LHX2: variants seen among roughly 807,000 people sequenced by gnomAD.
LHX2 encodes LIM homeobox 2.
Under a neutral mutation model 33.0 loss-of-function variants are expected in LHX2, and 6 were observed. That is an observed-to-expected ratio of 0.18 (90% CI 0.10 to 0.36). The LOEUF is 0.36. LHX2 is among the 10% of genes least tolerant of loss of function. LHX2 has a pLI of 1.00. For synonymous variants in LHX2, 292 were observed against 253.1 expected, an observed-to-expected ratio of 1.15 and a Z score of -1.46; for missense variants, 442 against 586.2, an observed-to-expected ratio of 0.75 and a Z score of 2.54.
intron 4 of LHX2, among the ~76,000 whole-genome samples, chr9:124,028,924 A>G: frequency 6.6e-6 from 1 of 152,172 alleles, no homozygotes; most frequent in East Asian, 1.9e-4. Context: ...CCTGGCCAAC[A>G]TGGTGAAACT....
rs1225060580 is a variant in LHX2 at position 124,032,156 on chromosome 9, C to G, written c.934-264C>G. Reference sequence around the variant, plus strand: ...ACCCAGGAGGCTGAGGCGGGAGGATCGCTTGATCCCAGGAGTTAGAAGCTG... The same window carrying G: ...ACCCAGGAGGCTGAGGCGGGAGGATGGCTTGATCCCAGGAGTTAGAAGCTG... On this transcript the variant is annotated intron_variant, in intron 4 of 4. Transcript: ENST00000373615. This position sits in a 1 kb window ranked among gnomAD's most constrained non-coding sequence, Gnocchi z 4.1. The G allele has an allele frequency of 2.5e-6, 1 of 404,910 alleles. No individual in the cohort carries two copies. Among genetic ancestry groups the G allele is most frequent in the East Asian group, 4.1e-5 (1 of 24,144 alleles). 25.1% of individuals were successfully genotyped at this position (404,910 alleles called of 1,614,324 possible). A position where few individuals can be genotyped will look rare whatever the true frequency, so the allele number is the denominator to read the frequency against.
At position 124,033,269 on chromosome 9, in the gene LHX2, T is replaced by C. The variant is rs1479441556; in HGVS notation, c.*562T>C. ...TGTTCGAATATCAGAATTTGTAAAA[T>C]CTAACCAGTAATAAAACCACTTATT... On this transcript the variant is annotated 3_prime_UTR_variant, in exon 5 of 5. Coordinates refer to ENST00000373615, the MANE Select transcript of LHX2 (RefSeq NM_004789.4). 6.6e-6 allele frequency: 1 copy of C among 152,132 alleles called. No individual in the cohort carries two copies. The highest frequency in any genetic ancestry group is 2.4e-5 in the African/African-American group (1 of 41,436). The allele number at this position is 152,132 out of a possible 1,614,324, so 9.4% of individuals were successfully genotyped here. A position where few individuals can be genotyped will look rare whatever the true frequency, so the allele number is the denominator to read the frequency against.
At chr9:124,022,976 A>C (rs892493685) in intron 4 of LHX2, among the ~76,000 whole-genome samples, 3 of 152,184 alleles carry the variant, frequency 2.0e-5, no homozygotes, top group African/African-American at 7.2e-5. Flanking sequence ...TTTGCTTTGG[A>C]GTCCCAGTGG....
At chr9:124,019,433 C>A (rs1395096979) in intron 3 of LHX2, among the ~76,000 whole-genome samples, 2 of 152,264 alleles carry the variant, frequency 1.3e-5, no homozygotes, top group South Asian at 4.1e-4. Context: ...GTAACAAATA[C>A]ATTTTTAGTG....
intron 3 of LHX2, among the ~76,000 whole-genome samples, chr9:124,019,981 C>T (rs1390347294): frequency 2.0e-5 from 3 of 152,198 alleles, no homozygotes; most frequent in Non-Finnish European, 2.9e-5. Flanking sequence ...GCATTGGCAG[C>T]GTGGCCCCCA....
Position 124,015,663 on chromosome 9 carries a change from T to C in LHX2, c.727+138T>C, listed in dbSNP as rs1295662803. On this transcript the variant is annotated intron_variant, in intron 3 of 4. Coordinates refer to ENST00000373615, the MANE Select transcript of LHX2 (RefSeq NM_004789.4). This position sits in a 1 kb window ranked among gnomAD's most constrained non-coding sequence, Gnocchi z 7.9. ...ACCGGACGGCCTCGCAGAAGGGACA[T>C]TAGCCCCCTGGGCTTCCAGACTGTG... 1.0e-6 allele frequency: 1 copy of C among 965,026 alleles called. No individual in the cohort carries two copies. Among genetic ancestry groups the C allele is most frequent in the Non-Finnish European group, 1.5e-6 (1 of 681,146 alleles). The allele number at this position is 965,026 out of a possible 1,614,324, so 59.8% of individuals were successfully genotyped here.
At chr9:124,022,829 C>A (rs1859315957) in intron 4 of LHX2, among the ~76,000 whole-genome samples, 1 of 152,222 alleles carries the variant, frequency 6.6e-6, no homozygotes, top group South Asian at 2.1e-4. Context: ...GAGGCGCCCC[C>A]TTGAGCAGCG....
Position 124,032,267 on chromosome 9 carries a change from C to T in LHX2, c.934-153C>T. The T allele has an allele frequency of 1.0e-6, 1 of 982,750 alleles. No homozygotes were observed. Among genetic ancestry groups the T allele is most frequent in the East Asian group, 2.7e-5 (1 of 36,806 alleles). 60.9% of individuals were successfully genotyped at this position (982,750 alleles called of 1,614,324 possible). On this transcript the variant is annotated intron_variant, in intron 4 of 4. Transcript: ENST00000373615. The surrounding 1 kb of genome is among the most constrained non-coding windows in gnomAD (Gnocchi z 4.1). ...CAAACAAAAACAAAAACAAAAAAACCAAAAAAGCAAAATATTGCCAACCTG... is the reference window on the plus strand; with the variant it reads ...CAAACAAAAACAAAAACAAAAAAACTAAAAAAGCAAAATATTGCCAACCTG...
At chr9:124,017,993 G>C (rs1293732134) in intron 3 of LHX2, among the ~76,000 whole-genome samples, 1 of 151,868 alleles carries the variant, frequency 6.6e-6, no homozygotes, top group Non-Finnish European at 1.5e-5. Flanking sequence ...CCGCGGCCGC[G>C]GGAGTCCCGC....
In LHX2 at chr9:124,032,406, G is replaced by A. The variant is rs1247070948; in HGVS notation, c.934-14G>A. 5 of 1,569,274 alleles carry A rather than the reference G, an allele frequency of 3.2e-6. No homozygotes were observed. The highest frequency in any genetic ancestry group is 2.6e-6 in the Non-Finnish European group (3 of 1,157,468). On this transcript the variant is annotated splice_polypyrimidine_tract_variant and intron_variant, in intron 4 of 4. Transcript: ENST00000373615. This position sits in a 1 kb window ranked among gnomAD's most constrained non-coding sequence, Gnocchi z 4.1. Reference sequence around the variant, plus strand: ...GCCTTCCGCTCACCAGCCCTTCCCTGTCGTCCCCCGCAGGTCTGGTTCCAG... The same window carrying A: ...GCCTTCCGCTCACCAGCCCTTCCCTATCGTCCCCCGCAGGTCTGGTTCCAG...
At position 124,016,836 on chromosome 9, in the gene LHX2, C is replaced by A. The variant is rs1859198573; in HGVS notation, c.727+1311C>A. 6.6e-6 allele frequency among the ~76,000 whole-genome samples: 1 copy of A among 152,264 alleles called. No homozygotes were observed. Among genetic ancestry groups the A allele is most frequent in the East Asian group, 1.9e-4 (1 of 5,182 alleles). ...AGATGTAGCTCTCTGGAACTTCCATCCCTCCTCTCCTACCACCCCCCAAAA... is the reference window on the plus strand; with the variant it reads ...AGATGTAGCTCTCTGGAACTTCCATACCTCCTCTCCTACCACCCCCCAAAA... On this transcript the variant is annotated intron_variant, in intron 3 of 4. Transcript: ENST00000373615. This position sits in a 1 kb window ranked among gnomAD's most constrained non-coding sequence, Gnocchi z 4.4.
intron 4 of LHX2, among the ~76,000 whole-genome samples, chr9:124,027,455 T>A (rs551939960): frequency 6.6e-6 from 1 of 152,286 alleles, no homozygotes; most frequent in South Asian, 2.1e-4. Flanking sequence ...AATATTCACA[T>A]CTACCGCATA....
Position 124,015,605 on chromosome 9 carries a change from C to A in LHX2, c.727+80C>A. On this transcript the variant is annotated intron_variant, in intron 3 of 4. Coordinates refer to ENST00000373615, the MANE Select transcript of LHX2 (RefSeq NM_004789.4). The surrounding 1 kb of genome is among the most constrained non-coding windows in gnomAD (Gnocchi z 7.9). ...TCGACGGCCGGGAGCTGGATTGAATCTCTGTGTGCTGGGCAAATAGCGAGC... is the reference window on the plus strand; with the variant it reads ...TCGACGGCCGGGAGCTGGATTGAATATCTGTGTGCTGGGCAAATAGCGAGC... 1 of 1,388,468 alleles carries A rather than the reference C, an allele frequency of 7.2e-7. No homozygotes were observed. 86.0% of individuals were successfully genotyped at this position (1,388,468 alleles called of 1,614,324 possible).
intron 4 of LHX2, among the ~76,000 whole-genome samples, chr9:124,022,546 C>A (rs1859311253): frequency 6.6e-6 from 1 of 152,200 alleles, no homozygotes; most frequent in Non-Finnish European, 1.5e-5. Context: ...AACCGGACAG[C>A]CTCACAACAG....
At position 124,016,086 on chromosome 9, in the gene LHX2, G is replaced by T. The variant is rs575860103; in HGVS notation, c.727+561G>T. On this transcript the variant is annotated intron_variant, in intron 3 of 4. Coordinates refer to ENST00000373615, the MANE Select transcript of LHX2 (RefSeq NM_004789.4). This position sits in a 1 kb window ranked among gnomAD's most constrained non-coding sequence, Gnocchi z 4.4. ...GGCTGCGGTTCCTTTTGCTCGGCCCGATCCTCCTTTAAAGACAGGTCTCAG... is the reference window on the plus strand; with the variant it reads ...GGCTGCGGTTCCTTTTGCTCGGCCCTATCCTCCTTTAAAGACAGGTCTCAG... 6.6e-6 allele frequency among the ~76,000 whole-genome samples: 1 copy of T among 152,382 alleles called. No individual in the cohort carries two copies. The highest frequency in any genetic ancestry group is 2.1e-4 in the South Asian group (1 of 4,832).
At chr9:124,013,901 C>G (rs978623629) in intron 1 of LHX2, 60 bp from the exon 2 acceptor site, 115 of 1,528,766 alleles carry the variant, frequency 7.5e-5, no homozygotes, top group Non-Finnish European at 9.7e-5. Flanking sequence ...GGTTTCCCGG[C>G]GGCGGAGGGG....
intron 3 of LHX2, among the ~76,000 whole-genome samples, chr9:124,020,249 G>C (rs1859268885): frequency 6.6e-6 from 1 of 152,070 alleles, no homozygotes; most frequent in South Asian, 2.1e-4. Context: ...ACACACCATA[G>C]GTGTCTACTA....
At chr9:124,024,345 T>C (rs1253932059) in intron 4 of LHX2, among the ~76,000 whole-genome samples, 1 of 152,278 alleles carries the variant, frequency 6.6e-6, no homozygotes, top group African/African-American at 2.4e-5. Context: ...TGCTGCTGGA[T>C]ACAGGAGCCA....
Position 124,015,595 on chromosome 9 carries a change from TG to T in LHX2, c.727+72del. ...GTGTGCGGCCTCGACGGCCGGGAGCTGGATTGAATCTCTGTGTGCTGGGCAA... is the reference window on the plus strand; with the variant it reads ...GTGTGCGGCCTCGACGGCCGGGAGCTGATTGAATCTCTGTGTGCTGGGCAA... On this transcript the variant is annotated intron_variant, in intron 3 of 4. Coordinates refer to ENST00000373615, the MANE Select transcript of LHX2 (RefSeq NM_004789.4). The surrounding 1 kb of genome is among the most constrained non-coding windows in gnomAD (Gnocchi z 7.9). The T allele has an allele frequency of 7.1e-7, 1 of 1,415,192 alleles. No homozygotes were observed. The highest frequency in any genetic ancestry group is 9.3e-7 in the Non-Finnish European group (1 of 1,071,788). 87.7% of individuals were successfully genotyped at this position (1,415,192 alleles called of 1,614,324 possible).
Sources: allele counts gnomAD v4.1 joint callset (sites outside exome capture counted in the v4.1 genomes callset), GRCh38; gene constraint gnomAD v4.1.1; non-coding constraint Gnocchi (gnomAD v3.1); transcripts MANE v1.5; gene names NCBI Gene and HGNC (gene_info 2026-07-23, HGNC 2026-07-21).